The following CASZ1 variants were observed in gnomAD, a reference collection of about 807,000 sequenced individuals.
CASZ1 encodes the protein castor zinc finger 1.
Under a neutral mutation model 135.2 loss-of-function variants are expected in CASZ1, and 28 were observed. The ratio of observed to expected loss-of-function variants is 0.21; its 90% CI spans 0.15 to 0.28. The LOEUF is 0.28. Ranked by LOEUF, CASZ1 falls within the 10% of genes least tolerant of loss-of-function variation. CASZ1 has a pLI of 1.00. For synonymous variants in CASZ1, 1,068 were observed against 1,073.4 expected (o/e 0.99, Z 0.10); for missense variants, 2,161 against 2,453.3 (o/e 0.88, Z 2.52).
In CASZ1 at chr1:10,657,622, A is replaced by G. The variant is rs1250512071; in HGVS notation, c.1409+886T>C. On this transcript the variant is annotated intron_variant, in intron 7 of 20. Coordinates refer to ENST00000377022, the MANE Select transcript of CASZ1 (RefSeq NM_001079843.3). This position sits in a 1 kb window ranked among gnomAD's most constrained non-coding sequence, Gnocchi z 5.7. ...GGGGCAGAGCTGAAGACAGAGTGGG[A>G]CAGGGGGGCGGAGACAGTGGGATGG... Among the ~76,000 whole-genome samples, 1 of 152,064 alleles carries G rather than the reference A, an allele frequency of 6.6e-6. No homozygotes were observed. Among genetic ancestry groups the G allele is most frequent in the Non-Finnish European group, 1.5e-5 (1 of 67,990 alleles).
Position 10,741,774 on chromosome 1 carries a change from C to T in CASZ1, c.-77+18927G>A, listed in dbSNP as rs943017015. Among the ~76,000 whole-genome samples the T allele has an allele frequency of 2.3e-4, 35 of 151,370 alleles. No individual in the cohort carries two copies. The highest frequency in any genetic ancestry group is 6.0e-4 in the African/African-American group (25 of 41,444). On this transcript the variant is annotated intron_variant, in intron 2 of 20. Coordinates refer to ENST00000377022, the MANE Select transcript of CASZ1 (RefSeq NM_001079843.3). This position sits in a 1 kb window ranked among gnomAD's most constrained non-coding sequence, Gnocchi z 5.0. ...TAACATGTGTAGGAGTCTTTACAAACGACTTTTATACATATTTATATATAT... is the reference window on the plus strand; with the variant it reads ...TAACATGTGTAGGAGTCTTTACAAATGACTTTTATACATATTTATATATAT...
At chr1:10,742,098 A>G (rs886786916) in intron 2 of CASZ1, among the ~76,000 whole-genome samples, 4 of 152,142 alleles carry the variant, frequency 2.6e-5, no homozygotes, top group Admixed American at 6.5e-5. Flanking sequence ...TACCTCACCC[A>G]TGACATGAAC....
At position 10,706,333 on chromosome 1, in the gene CASZ1, C is replaced by T. The variant is rs1054852031; in HGVS notation, c.-76-789G>A. Among the ~76,000 whole-genome samples, 2 of 152,152 alleles carry T rather than the reference C, an allele frequency of 1.3e-5. No individual in the cohort carries two copies. Among genetic ancestry groups the T allele is most frequent in the African/African-American group, 2.4e-5 (1 of 41,432 alleles). ...TACGTGGAGAGAAAACACAGGGAGT[C>T]CCCCCGCCAGCCTGCTGGCCAGGCC... is the stretch of plus-strand genomic sequence containing the variant. On this transcript the variant is annotated intron_variant, in intron 2 of 20. Coordinates refer to ENST00000377022, the MANE Select transcript of CASZ1 (RefSeq NM_001079843.3). The surrounding 1 kb of genome is among the most constrained non-coding windows in gnomAD (Gnocchi z 4.3).
Position 10,774,901 on chromosome 1 carries a change from TC to T in CASZ1, c.-233-14045del, listed in dbSNP as rs1640636376. On this transcript the variant is annotated intron_variant, in intron 1 of 20. Coordinates refer to ENST00000377022, the MANE Select transcript of CASZ1 (RefSeq NM_001079843.3). This position sits in a 1 kb window ranked among gnomAD's most constrained non-coding sequence, Gnocchi z 4.4. Reference sequence around the variant, plus strand: ...CAACCATCTCTGTTCCAGCTTCTCTTCCAGACTCCTCCAGTCTCTCTACTCT... The same window carrying T: ...CAACCATCTCTGTTCCAGCTTCTCTTCAGACTCCTCCAGTCTCTCTACTCT... Among the ~76,000 whole-genome samples, 1 of 152,088 alleles carries T rather than the reference TC, an allele frequency of 6.6e-6. No homozygotes were observed. The highest frequency in any genetic ancestry group is 2.4e-5 in the African/African-American group (1 of 41,390).
intron 4 of CASZ1, among the ~76,000 whole-genome samples, chr1:10,675,261 GT>G (rs1643530927): frequency 6.6e-6 from 1 of 152,226 alleles, no homozygotes; most frequent in Non-Finnish European, 1.5e-5. Context: ...AGTGCCAGCA[GT>G]TTTTCAGTGC....
chr1:10,785,824 C>T (rs183014971), intron 1 of CASZ1, among the ~76,000 whole-genome samples: 24 of 152,258 alleles, frequency 1.6e-4, no homozygotes, highest in African/African-American at 5.3e-4. Flanking sequence ...ATGTGCTGCT[C>T]ACTAGCAGTG....
intron 1 of CASZ1, among the ~76,000 whole-genome samples, chr1:10,795,253 C>T (rs59253427): frequency 5.2e-4 from 79 of 152,218 alleles, no homozygotes; most frequent in African/African-American, 1.6e-3. Flanking sequence ...CTCCGTCAGT[C>T]ACCACGCTCT....
chr1:10,736,553 C>T (rs1639801542), intron 2 of CASZ1, among the ~76,000 whole-genome samples: 1 of 152,220 alleles, frequency 6.6e-6, no homozygotes, highest in Admixed American at 6.5e-5. Context: ...TGCTACTAAT[C>T]CCATTTTGCA....
Position 10,720,592 on chromosome 1 carries a change from G to A in CASZ1, c.-76-15048C>T, listed in dbSNP as rs1000154135. On this transcript the variant is annotated intron_variant, in intron 2 of 20. Transcript: ENST00000377022. The surrounding 1 kb of genome is among the most constrained non-coding windows in gnomAD (Gnocchi z 5.7). Reference sequence around the variant, plus strand: ...CCTATCAAAAACTGTACATTCGCTCGGCTTTCCACGGGACTCATGTCCTAA... The same window carrying A: ...CCTATCAAAAACTGTACATTCGCTCAGCTTTCCACGGGACTCATGTCCTAA... Among the ~76,000 whole-genome samples the A allele has an allele frequency of 2.6e-5, 4 of 152,190 alleles. No individual in the cohort carries two copies. The highest frequency in any genetic ancestry group is 7.2e-5 in the African/African-American group (3 of 41,448).
chr1:10,761,382 G>A (rs957750303), intron 1 of CASZ1, among the ~76,000 whole-genome samples: 2 of 152,212 alleles, frequency 1.3e-5, no homozygotes, highest in African/African-American at 2.4e-5. Context: ...GAATCAACAG[G>A]TGTCTCTGCA....
rs1252921867 is a variant in CASZ1, at chr1:10,697,072, GC to G, written c.-23-3161del. Among the ~76,000 whole-genome samples, 3 of 152,356 alleles carry G rather than the reference GC, an allele frequency of 2.0e-5. No individual in the cohort carries two copies. In the East Asian group the frequency reaches 5.8e-4, roughly 29 times the overall value. On this transcript the variant is annotated intron_variant, in intron 3 of 20. Coordinates refer to ENST00000377022, the MANE Select transcript of CASZ1 (RefSeq NM_001079843.3). The surrounding 1 kb of genome is among the most constrained non-coding windows in gnomAD (Gnocchi z 4.7). ...GGCCAGGTAGCCACAGGCTGAGTGG[GC>G]CCTGCCCAAGAGGAAAAGGCCTTCA...
intron 12 of CASZ1, 26 bp downstream of exon 12, chr1:10,650,908 CGGGGCTG>C: frequency 6.2e-7 from 1 of 1,607,080 alleles, no homozygotes; most frequent in Admixed American, 1.7e-5. Flanking sequence ...GTGTGGTTCC[CGGGGCTG>C]GCTCCCATAG....
chr1:10,654,889 T>C (rs1360260038), intron 9 of CASZ1, among the ~76,000 whole-genome samples: 1 of 152,202 alleles, frequency 6.6e-6, no homozygotes, highest in Admixed American at 6.5e-5. Flanking sequence ...GGGAGCTGCA[T>C]CCTGCAGGAG....
At position 10,676,063 on chromosome 1, in the gene CASZ1, G is replaced by A. The variant is rs1396762870; in HGVS notation, c.17-10492C>T. 6.6e-6 allele frequency among the ~76,000 whole-genome samples: 1 copy of A among 152,202 alleles called. No homozygotes were observed. The highest frequency in any genetic ancestry group is 2.4e-5 in the African/African-American group (1 of 41,448). On this transcript the variant is annotated intron_variant, in intron 4 of 20. Transcript: ENST00000377022. This position sits in a 1 kb window ranked among gnomAD's most constrained non-coding sequence, Gnocchi z 4.5. ...CCAGGCGCCCAACCCCAGCAGCCAG[G>A]GAGGGGCCCCAGGAAGAGGGCGGGG...
rs556977054 is a variant in CASZ1, at chr1:10,676,306, C to T, written c.17-10735G>A. Among the ~76,000 whole-genome samples, 3 of 152,176 alleles carry T rather than the reference C, an allele frequency of 2.0e-5. No homozygotes were observed. The highest frequency in any genetic ancestry group is 1.9e-4 in the East Asian group (1 of 5,188). On this transcript the variant is annotated intron_variant, in intron 4 of 20. Transcript: ENST00000377022. The surrounding 1 kb of genome is among the most constrained non-coding windows in gnomAD (Gnocchi z 4.5). ...GGAAGCCCTGGGCTCCCGCTATTGT[C>T]GGCCACGTTGAGGGAGGGCCCCTGC...
At chr1:10,764,360 G>A (rs1023839130) in intron 1 of CASZ1, among the ~76,000 whole-genome samples, 5 of 152,204 alleles carry the variant, frequency 3.3e-5, no homozygotes, top group Non-Finnish European at 7.3e-5. Context: ...CGGCAGGCTG[G>A]GCATAAGGGC....
chr1:10,780,915 A>G (rs994446791), intron 1 of CASZ1, among the ~76,000 whole-genome samples: 2 of 152,168 alleles, frequency 1.3e-5, no homozygotes, highest in Admixed American at 6.5e-5. Flanking sequence ...GCAGCATCTG[A>G]CACACAATCG....
chr1:10,645,163 G>A lies in CASZ1; in HGVS notation c.3697-75C>T, dbSNP rs1570400661. On this transcript the variant is annotated intron_variant, in intron 17 of 20. Coordinates refer to ENST00000377022, the MANE Select transcript of CASZ1 (RefSeq NM_001079843.3). ...TCCTGCCTGCCCCGGGCCTGAGGCT[G>A]TGGTGGGCCCTTGGCACATGTGTTC... 10 of 1,325,456 alleles carry A rather than the reference G, an allele frequency of 7.5e-6. No individual in the cohort carries two copies. In the East Asian group the frequency reaches 2.3e-4, roughly 31 times the overall value. The allele number at this position is 1,325,456 out of a possible 1,614,324, so 82.1% of individuals were successfully genotyped here.
intron 4 of CASZ1, among the ~76,000 whole-genome samples, chr1:10,680,235 A>ATGC (rs1340590014): frequency 7.4e-5 from 10 of 135,732 alleles, no homozygotes; most frequent in Non-Finnish European, 1.5e-4. Flanking sequence ...AGGCCTTACG[A>ATGC]TGCTGCCGGA....
Sources: allele counts gnomAD v4.1 joint callset (sites outside exome capture counted in the v4.1 genomes callset), GRCh38; gene constraint gnomAD v4.1.1; non-coding constraint Gnocchi (gnomAD v3.1); transcripts MANE v1.5; gene names NCBI Gene and HGNC (gene_info 2026-07-23, HGNC 2026-07-21).